CFAP299: variants seen among roughly 807,000 people sequenced by gnomAD.
The protein encoded by CFAP299 is cilia and flagella associated protein 299, also known as cilia- and flagella-associated protein 299.
A neutral mutation model predicts 27.0 loss-of-function variants in CFAP299; 21 were observed. That is an observed-to-expected ratio of 0.78 (90% CI 0.55 to 1.12). The LOEUF (loss-of-function observed/expected upper bound fraction) is 1.12, where lower values mean the gene tolerates loss of function less well. CFAP299 is among the 50% of genes most tolerant of loss of function. The pLI is 0.00. For synonymous variants in CFAP299, 104 were observed against 98.1 expected (o/e 1.06, Z -0.36); for missense variants, 310 against 276.6 (o/e 1.12, Z -0.86).
intron 2 of CFAP299, among the ~76,000 whole-genome samples, chr4:80,444,550 A>G (rs1189748704): frequency 6.6e-6 from 1 of 152,224 alleles, no homozygotes; most frequent in African/African-American, 2.4e-5. Flanking sequence ...AAAGACTTAA[A>G]CATAACACCT....
intron 1 of CFAP299, among the ~76,000 whole-genome samples, chr4:80,348,815 A>T (rs1722880361): frequency 2.0e-5 from 3 of 152,244 alleles, no homozygotes; most frequent in African/African-American, 7.2e-5. Context: ...CAGCAAACAC[A>T]TGTTTACCTA....
chr4:80,793,560 T>C (rs561556668), intron 3 of CFAP299, among the ~76,000 whole-genome samples: 1 of 152,208 alleles, frequency 6.6e-6, no homozygotes, highest in Admixed American at 6.5e-5. Context: ...CCTGAGATCA[T>C]ACATAATCTT....
chr4:80,380,800 G>T (rs1337524771), intron 2 of CFAP299, among the ~76,000 whole-genome samples: 1 of 152,066 alleles, frequency 6.6e-6, no homozygotes, highest in Non-Finnish European at 1.5e-5. Context: ...ACAATCTGTT[G>T]TAAGCAAAAA....
At chr4:80,908,954 T>G (rs1735324109) in intron 4 of CFAP299, among the ~76,000 whole-genome samples, 1 of 152,132 alleles carries the variant, frequency 6.6e-6, no homozygotes, top group African/African-American at 2.4e-5. Flanking sequence ...CTACCTGTTT[T>G]GAACTCTCAG....
intron 2 of CFAP299, among the ~76,000 whole-genome samples, chr4:80,567,538 G>T (rs1227494440): frequency 6.7e-6 from 1 of 149,874 alleles, no homozygotes; most frequent in Non-Finnish European, 1.5e-5. Flanking sequence ...CGAAAAAAAG[G>T]GGAGGAGACT....
intron 2 of CFAP299, among the ~76,000 whole-genome samples, chr4:80,506,247 T>G (rs1732030333): frequency 6.6e-6 from 1 of 152,240 alleles, no homozygotes. Flanking sequence ...TAAAAAGTTT[T>G]GGTTATAGTA....
At chr4:80,466,323 C>G (rs1560579962) in intron 2 of CFAP299, among the ~76,000 whole-genome samples, 2 of 152,118 alleles carry the variant, frequency 1.3e-5, no homozygotes, top group South Asian at 2.1e-4. Context: ...AAATAACACT[C>G]TAAGTATTCA....
At chr4:80,409,883 G>A (rs1037266713) in intron 2 of CFAP299, among the ~76,000 whole-genome samples, 1 of 152,164 alleles carries the variant, frequency 6.6e-6, no homozygotes, top group Non-Finnish European at 1.5e-5. Flanking sequence ...GGATACAGAA[G>A]TGAAAAGTAA....
At chr4:80,730,248 C>CTGTGTGTGTGTGTGTGTGTGTG (rs34594345) in intron 3 of CFAP299, among the ~76,000 whole-genome samples, 209 of 130,634 alleles carry the variant, frequency 1.6e-3, no homozygotes, top group Non-Finnish European at 2.6e-3. Flanking sequence ...CTCTCTCTCT[C>CTGTGTGTGTGTGTGTGTGTGTG]TGTGTGTGTG....
At chr4:80,637,550 A>G (rs1577961697) in intron 3 of CFAP299, among the ~76,000 whole-genome samples, 1 of 152,158 alleles carries the variant, frequency 6.6e-6, no homozygotes, top group East Asian at 1.9e-4. Flanking sequence ...TAAAGTTAAA[A>G]TTAAAGAGGA....
intron 3 of CFAP299, among the ~76,000 whole-genome samples, chr4:80,807,513 T>G (rs1389193): frequency 0.34 from 50,959 of 151,864 alleles, 10,317 homozygotes; most frequent in African/African-American, 0.56. Flanking sequence ...GAAAACTCAA[T>G]GACTCAAATG....
intron 3 of CFAP299, among the ~76,000 whole-genome samples, chr4:80,619,383 T>C: frequency 6.6e-6 from 1 of 152,246 alleles, no homozygotes; most frequent in East Asian, 1.9e-4. Flanking sequence ...AAATAATTAA[T>C]CTTTCTGATT....
At chr4:80,958,566 A>G (rs1388837442) in intron 5 of CFAP299, among the ~76,000 whole-genome samples, 1 of 152,220 alleles carries the variant, frequency 6.6e-6, no homozygotes, top group Admixed American at 6.5e-5. Flanking sequence ...AGATTTCTTA[A>G]GAAGAAGGAG....
At chr4:80,800,604 A>T (rs1286710011) in intron 3 of CFAP299, among the ~76,000 whole-genome samples, 2 of 96,602 alleles carry the variant, frequency 2.1e-5, no homozygotes, top group African/African-American at 8.8e-5. Context: ...ATATTAATAT[A>T]AATATATAAT....
chr4:80,688,667 C>A (rs1399495112), intron 3 of CFAP299, among the ~76,000 whole-genome samples: 7 of 152,216 alleles, frequency 4.6e-5, no homozygotes, highest in Admixed American at 6.5e-5. Flanking sequence ...CAGTTCCTCA[C>A]CAGCAACGGA....
chr4:80,452,989 C>A (rs944543195), intron 2 of CFAP299, among the ~76,000 whole-genome samples: 3 of 152,074 alleles, frequency 2.0e-5, no homozygotes, highest in Admixed American at 1.3e-4. Flanking sequence ...TTAAAGCAGC[C>A]CCTGGTGTTT....
intron 3 of CFAP299, among the ~76,000 whole-genome samples, chr4:80,600,930 T>C (rs759838820): frequency 1.3e-5 from 2 of 152,160 alleles, no homozygotes; most frequent in Non-Finnish European, 2.9e-5. Flanking sequence ...AGGGTAACTA[T>C]TGTATCCACC....
intron 2 of CFAP299, among the ~76,000 whole-genome samples, chr4:80,541,457 T>A (rs1733991712): frequency 6.6e-6 from 1 of 152,218 alleles, no homozygotes; most frequent in South Asian, 2.1e-4. Context: ...TGCAGTATTA[T>A]ATATCATTTT....
At chr4:80,780,559 G>T (rs963336985) in intron 3 of CFAP299, among the ~76,000 whole-genome samples, 38 of 152,162 alleles carry the variant, frequency 2.5e-4, no homozygotes, top group African/African-American at 9.1e-4. Flanking sequence ...CTTTTGGGTT[G>T]CCTTAGAAGA....
Sources: gnomAD v4.1 joint callset for allele counts (sites outside exome capture counted in the v4.1 genomes callset) on GRCh38, gnomAD v4.1.1 for gene constraint, MANE v1.5 for transcripts, NCBI Gene and HGNC (gene_info 2026-07-23, HGNC 2026-07-21) for gene names.